THRB: variants seen among roughly 807,000 people sequenced by gnomAD.
The protein encoded by THRB is thyroid hormone receptor beta.
THRB carries 12 observed loss-of-function variants against 47.8 expected under a neutral mutation model. That is an observed-to-expected ratio of 0.25 (90% confidence interval 0.16 to 0.41). The LOEUF is 0.41. THRB is among the 10% of genes least tolerant of loss of function. THRB has a pLI of 1.00. For missense variants in THRB, 348 were observed against 589.2 expected (o/e 0.59, Z 4.24); for synonymous variants, 218 against 212.2 (o/e 1.03, Z -0.24).
chr3:24,406,155 T>C lies in THRB; in HGVS notation c.-260-68784A>G, dbSNP rs183701305. ...GATTTGTTTCACTTCCCTAATCACA[T>C]GACCTTTTTTCCTTGTCATTATATT... On this transcript the variant is annotated intron_variant, in intron 1 of 10. Coordinates refer to ENST00000646209, the MANE Select transcript of THRB (RefSeq NM_001354712.2). Among the ~76,000 whole-genome samples, 28 of 151,822 alleles carry C rather than the reference T, an allele frequency of 1.8e-4. 1 individual carries two copies. In the Middle Eastern group the frequency reaches 0.017, roughly 92 times the overall value.
At chr3:24,159,132 C>A (rs2038366959) in intron 5 of THRB, among the ~76,000 whole-genome samples, 1 of 152,198 alleles carries the variant, frequency 6.6e-6, no homozygotes, top group Non-Finnish European at 1.5e-5. Context: ...CATTTCTTTA[C>A]CTGAAAATCC....
chr3:24,394,927 T>C (rs1019775469), intron 1 of THRB, among the ~76,000 whole-genome samples: 3 of 152,126 alleles, frequency 2.0e-5, no homozygotes, highest in Non-Finnish European at 4.4e-5. Context: ...TACCAGTGTA[T>C]AGACACTCTG....
chr3:24,369,622 A>C (rs899403461), intron 1 of THRB, among the ~76,000 whole-genome samples: 1 of 152,004 alleles, frequency 6.6e-6, no homozygotes, highest in Admixed American at 6.6e-5. Flanking sequence ...ATTTTTTAAC[A>C]CTCCTCTCCT....
intron 9 of THRB, among the ~76,000 whole-genome samples, 162 bp downstream of exon 9, chr3:24,133,153 GA>G (rs1384295006): frequency 2.0e-5 from 3 of 152,182 alleles, no homozygotes; most frequent in African/African-American, 7.2e-5. Context: ...CAGAAAGTGG[GA>G]AATCCAAATG....
intron 7 of THRB, 190 bp from the exon 8 acceptor site, chr3:24,143,896 G>A: frequency 1.6e-6 from 1 of 635,552 alleles, no homozygotes; most frequent in South Asian, 1.8e-5. Context: ...TGTCCAACAT[G>A]GTCTCTAGAG....
At chr3:24,394,750 G>T (rs1261752505) in intron 1 of THRB, among the ~76,000 whole-genome samples, 5 of 152,076 alleles carry the variant, frequency 3.3e-5, no homozygotes, top group African/African-American at 1.2e-4. Context: ...TATTTGTGTG[G>T]ATTCGTGCAA....
intron 4 of THRB, among the ~76,000 whole-genome samples, chr3:24,200,117 G>A (rs976516754): frequency 1.3e-5 from 2 of 152,188 alleles, no homozygotes; most frequent in African/African-American, 4.8e-5. Context: ...AAAAGCTACA[G>A]TGGTTGCAGA....
At chr3:24,323,480 A>T (rs2058617477) in intron 2 of THRB, among the ~76,000 whole-genome samples, 2 of 152,208 alleles carry the variant, frequency 1.3e-5, no homozygotes, top group African/African-American at 4.8e-5. Flanking sequence ...ATCACCTGGG[A>T]TCTTGTTAAA....
At chr3:24,372,836 T>TA (rs2065016056) in intron 1 of THRB, among the ~76,000 whole-genome samples, 1 of 151,980 alleles carries the variant, frequency 6.6e-6, no homozygotes. Flanking sequence ...TCTATCACCA[T>TA]AAAAAACAAA....
rs149414107 is a variant in THRB at position 24,193,689 on chromosome 3, T to C, written c.23-3355A>G. On this transcript the variant is annotated intron_variant, in intron 4 of 10. Transcript: ENST00000646209. ...AATAAGTATTTACTCAAAAAGCCTGTTGTCACTTGGAAAACAGTGTGGAGA... is the reference window on the plus strand; with the variant it reads ...AATAAGTATTTACTCAAAAAGCCTGCTGTCACTTGGAAAACAGTGTGGAGA... Among the ~76,000 whole-genome samples the C allele has an allele frequency of 1.1e-3, 172 of 152,306 alleles. 1 individual carries two copies. The highest frequency in any genetic ancestry group is 3.8e-3 in the African/African-American group (156 of 41,566).
chr3:24,334,079 C>T lies in THRB; in HGVS notation c.-189+3221G>A, dbSNP rs1386975835. Among the ~76,000 whole-genome samples, 7 of 152,214 alleles carry T rather than the reference C, an allele frequency of 4.6e-5. No individual in the cohort carries two copies. The East Asian group carries it at 9.6e-4, about 21-fold the overall frequency. ...GCCGCAATAATTACCTTCCACTTTA[C>T]TACCTGACTTTTAAAATATACAATA... is the stretch of plus-strand genomic sequence containing the variant. On this transcript the variant is annotated intron_variant, in intron 2 of 10. Transcript: ENST00000646209.
intron 1 of THRB, among the ~76,000 whole-genome samples, chr3:24,439,119 G>A (rs930050317): frequency 6.6e-5 from 10 of 152,274 alleles, no homozygotes; most frequent in African/African-American, 2.4e-4. Flanking sequence ...GGTGGTAACT[G>A]GTCAAGGGCT....
At chr3:24,208,396 T>A (rs2149815663) in intron 4 of THRB, among the ~76,000 whole-genome samples, 1 of 152,212 alleles carries the variant, frequency 6.6e-6, no homozygotes. Context: ...GCCAAGACAA[T>A]CCTAAGCCAA....
At chr3:24,307,017 A>G (rs1232252135) in intron 2 of THRB, among the ~76,000 whole-genome samples, 1 of 151,972 alleles carries the variant, frequency 6.6e-6, no homozygotes, top group African/African-American at 2.4e-5. Flanking sequence ...AAAATGAATC[A>G]TATGAGAGTT....
At chr3:24,360,028 ATTCT>A (rs2063955312) in intron 1 of THRB, among the ~76,000 whole-genome samples, 1 of 152,140 alleles carries the variant, frequency 6.6e-6, no homozygotes. Context: ...AGAGCTGGCT[ATTCT>A]TTCTATTAAT....
intron 2 of THRB, among the ~76,000 whole-genome samples, chr3:24,325,344 T>C (rs2058734223): frequency 6.6e-6 from 1 of 152,006 alleles, no homozygotes; most frequent in Non-Finnish European, 1.5e-5. Context: ...AAAACAGCAC[T>C]GAAAGAAAGT....
chr3:24,241,797 C>T (rs2049536465), intron 3 of THRB, among the ~76,000 whole-genome samples: 1 of 152,138 alleles, frequency 6.6e-6, no homozygotes, highest in Non-Finnish European at 1.5e-5. Context: ...TGCAGATGCA[C>T]CGCCTCTATC....
At chr3:24,453,564 T>C (rs566492675) in intron 1 of THRB, among the ~76,000 whole-genome samples, 1 of 152,322 alleles carries the variant, frequency 6.6e-6, no homozygotes, top group African/African-American at 2.4e-5. Flanking sequence ...TCGTCTTGGT[T>C]CTGTTTCTAC....
At chr3:24,478,291 A>T (rs6789815) in intron 1 of THRB, among the ~76,000 whole-genome samples, 18,674 of 152,102 alleles carry the variant, frequency 0.12, 1,610 homozygotes, top group African/African-American at 0.25. Flanking sequence ...ATTTTTTGTA[A>T]GTATCTGGAG....
Sources: gnomAD v4.1 joint callset for allele counts (sites outside exome capture counted in the v4.1 genomes callset) on GRCh38, gnomAD v4.1.1 for gene constraint, MANE v1.5 for transcripts, NCBI Gene and HGNC (gene_info 2026-07-23, HGNC 2026-07-21) for gene names.